STARD13: variants seen among roughly 807,000 people sequenced by gnomAD.
STARD13 encodes the protein stAR-related lipid transfer protein 13.
Under a neutral mutation model 106.4 loss-of-function variants are expected in STARD13, and 62 were observed. That is an observed-to-expected ratio of 0.58 (90% CI 0.48 to 0.72). The LOEUF is 0.72. STARD13 is among the 30% of genes least tolerant of loss of function. The pLI, the probability that STARD13 is intolerant of heterozygous loss-of-function variation, is 0.00. For missense variants in STARD13, 1,387 were observed against 1,424.0 expected, an observed-to-expected ratio of 0.97 and a Z score of 0.42; for synonymous variants, 565 against 553.0, an observed-to-expected ratio of 1.02 and a Z score of -0.31.
intron 1 of STARD13, among the ~76,000 whole-genome samples, chr13:33,299,659 C>A (rs964987633): frequency 6.6e-6 from 1 of 152,134 alleles, no homozygotes; most frequent in African/African-American, 2.4e-5. Flanking sequence ...GAATTCCGTA[C>A]AGAGACACTC....
chr13:33,625,890 T>C, the STARD13 span, among the ~76,000 whole-genome samples: 18,387 of 151,980 alleles, frequency 0.12, 2,812 homozygotes, highest in African/African-American at 0.36. Flanking sequence ...TTAGTAGAGA[T>C]GGGGTTTCAC....
the STARD13 span, among the ~76,000 whole-genome samples, chr13:33,655,235 T>A: frequency 6.6e-6 from 1 of 152,310 alleles, no homozygotes; most frequent in South Asian, 2.1e-4. Flanking sequence ...AATAATAAAC[T>A]TTTCTTTTGA....
At chr13:33,404,908 C>T in the STARD13 span, among the ~76,000 whole-genome samples, 1 of 151,914 alleles carries the variant, frequency 6.6e-6, no homozygotes, top group African/African-American at 2.4e-5. Flanking sequence ...TCTCGAGGAG[C>T]TGGGATTACA....
chr13:33,328,026 G>T (rs1387592667), intron 1 of STARD13, among the ~76,000 whole-genome samples: 1 of 152,182 alleles, frequency 6.6e-6, no homozygotes, highest in Non-Finnish European at 1.5e-5. Context: ...TATTTTTAAA[G>T]TCTGTCTTAT....
chr13:33,170,375 G>C (rs1196329177), intron 1 of STARD13, among the ~76,000 whole-genome samples: 1 of 152,166 alleles, frequency 6.6e-6, no homozygotes, highest in East Asian at 1.9e-4. Context: ...ACAGTGCAAT[G>C]GGGCTGAAGC....
intron 8 of STARD13, among the ~76,000 whole-genome samples, chr13:33,116,638 G>T (rs1875409670): frequency 6.6e-6 from 1 of 152,170 alleles, no homozygotes; most frequent in African/African-American, 2.4e-5. Context: ...TTTAATCCAA[G>T]AACTGATTAA....
chr13:33,411,077 G>A, the STARD13 span, among the ~76,000 whole-genome samples: 1 of 152,018 alleles, frequency 6.6e-6, no homozygotes, highest in Non-Finnish European at 1.5e-5. Flanking sequence ...CTATTTTATG[G>A]CAACATTTCT....
chr13:33,169,549 C>G (rs1221793910), intron 1 of STARD13, among the ~76,000 whole-genome samples: 1 of 152,224 alleles, frequency 6.6e-6, no homozygotes, highest in South Asian at 2.1e-4. Context: ...TAGACATGCT[C>G]TAAACCTAAT....
At chr13:33,666,374 A>G in the STARD13 span, among the ~76,000 whole-genome samples, 8 of 152,048 alleles carry the variant, frequency 5.3e-5, no homozygotes, top group African/African-American at 1.9e-4. Flanking sequence ...GCTCACTGCA[A>G]GCTCCACCTC....
At chr13:33,152,279 T>C (rs780857290) in intron 3 of STARD13, among the ~76,000 whole-genome samples, 4 of 152,186 alleles carry the variant, frequency 2.6e-5, no homozygotes, top group Non-Finnish European at 5.9e-5. Context: ...CCTAGGACCC[T>C]GGAATTGAGA....
the STARD13 span, among the ~76,000 whole-genome samples, chr13:33,357,357 A>T: frequency 1.3e-5 from 2 of 152,238 alleles, no homozygotes; most frequent in African/African-American, 2.4e-5. Flanking sequence ...GACAGGCAGC[A>T]TGTGTTCCAC....
the STARD13 span, among the ~76,000 whole-genome samples, chr13:33,668,802 C>T: frequency 2.0e-5 from 3 of 152,306 alleles, no homozygotes; most frequent in South Asian, 4.1e-4. Context: ...AGATCACATG[C>T]TATTTTACAT....
At chr13:33,628,060 A>G in the STARD13 span, among the ~76,000 whole-genome samples, 1 of 146,280 alleles carries the variant, frequency 6.8e-6, no homozygotes, top group Non-Finnish European at 1.5e-5. Flanking sequence ...ATTTTAGGCT[A>G]TTTCTAAGAC....
At chr13:33,611,844 G>A in the STARD13 span, among the ~76,000 whole-genome samples, 1 of 152,312 alleles carries the variant, frequency 6.6e-6, no homozygotes, top group East Asian at 1.9e-4. Flanking sequence ...AAATGGACAG[G>A]GCAGGAAATT....
chr13:33,199,024 G>A (rs186873649), intron 1 of STARD13, among the ~76,000 whole-genome samples: 3 of 152,140 alleles, frequency 2.0e-5, no homozygotes, highest in South Asian at 2.1e-4. Flanking sequence ...GTCACGCTGA[G>A]GTTCACTCAT....
At position 33,130,621 on chromosome 13, in the gene STARD13, C is replaced by T. The variant is rs935252722; in HGVS notation, c.388-332G>A. Among the ~76,000 whole-genome samples, 24 of 152,170 alleles carry T rather than the reference C, an allele frequency of 1.6e-4. No individual in the cohort carries two copies. Among genetic ancestry groups the T allele is most frequent in the Admixed American group, 1.0e-3 (16 of 15,282 alleles). ...GAGGGTATAATTACATCAGACTAGA[C>T]GGTCTAAATATAAAGCACCTGCAGT... On this transcript the variant is annotated intron_variant, in intron 4 of 13. Coordinates refer to ENST00000336934, the MANE Select transcript of STARD13 (RefSeq NM_178006.4). This position sits in a 1 kb window ranked among gnomAD's most constrained non-coding sequence, Gnocchi z 4.1.
rs374163463 is a variant in STARD13, at chr13:33,305,344, T to C, written c.124+44946A>G. Among the ~76,000 whole-genome samples, 210 of 152,358 alleles carry C rather than the reference T, an allele frequency of 1.4e-3. 2 individuals carry two copies. The highest frequency in any genetic ancestry group is 4.9e-3 in the African/African-American group (202 of 41,580). On this transcript the variant is annotated intron_variant, in intron 1 of 5. Coordinates refer to the STARD13 transcript ENST00000567873. ...GAATGAGTTAAGCAGAAGTGTTCCA[T>C]ATAAGGCTGGAGATAAATCTTGGAT...
the STARD13 span, chr13:33,439,863 C>A: frequency 2.7e-6 from 1 of 374,992 alleles, no homozygotes; most frequent in South Asian, 2.1e-5. Context: ...CCAACTGAGG[C>A]ATGAAGATTG....
chr13:33,307,257 A>G (rs1892945150), intron 1 of STARD13, among the ~76,000 whole-genome samples: 1 of 152,236 alleles, frequency 6.6e-6, no homozygotes, highest in African/African-American at 2.4e-5. Context: ...GCAATTCCTC[A>G]AAGACCTAAA....
Sources: allele counts gnomAD v4.1 joint callset (sites outside exome capture counted in the v4.1 genomes callset), GRCh38; gene constraint gnomAD v4.1.1; non-coding constraint Gnocchi (gnomAD v3.1); transcripts MANE v1.5; gene names NCBI Gene and HGNC (gene_info 2026-07-23, HGNC 2026-07-21).